Variants in CYP24A1 observed in about 807,000 individuals in gnomAD.
CYP24A1 encodes 1,25-dihydroxyvitamin D(3) 24-hydroxylase, mitochondrial.
CYP24A1 carries 68 observed loss-of-function variants against 62.4 expected under a neutral mutation model. That is an observed-to-expected ratio of 1.09 (90% CI 0.90 to 1.33). The LOEUF is 1.33. Ranked by LOEUF, CYP24A1 falls within the 40% of genes most tolerant of loss-of-function variation. The probability of loss-of-function intolerance (pLI) is 0.00; values close to 1 mark genes in which losing one functional copy is unlikely to be tolerated. For synonymous variants in CYP24A1, 267 were observed against 253.0 expected (o/e 1.06, Z -0.52); for missense variants, 787 against 653.0 (o/e 1.21, Z -2.24).
chr20:54,156,772 C>T (rs2092629401), intron 11 of CYP24A1, among the ~76,000 whole-genome samples: 1 of 152,168 alleles, frequency 6.6e-6, no homozygotes, highest in Non-Finnish European at 1.5e-5. Flanking sequence ...TTTCATGTTC[C>T]AAGGTAGTAT....
downstream of CYP24A1, among the ~76,000 whole-genome samples, chr20:54,150,114 T>C (rs963641856): frequency 2.0e-5 from 3 of 152,144 alleles, no homozygotes; most frequent in African/African-American, 7.2e-5. Context: ...CACAAAAAAA[T>C]TTGCAACCTC....
chr20:54,155,878 C>T (rs2092626125), intron 11 of CYP24A1, among the ~76,000 whole-genome samples: 1 of 151,586 alleles, frequency 6.6e-6, no homozygotes, highest in Non-Finnish European at 1.5e-5. Context: ...AATTATTACT[C>T]AGGACGAGGC....
the CYP24A1 span, among the ~76,000 whole-genome samples, chr20:54,145,181 A>AT: frequency 1.5e-4 from 23 of 151,848 alleles, no homozygotes; most frequent in African/African-American, 5.3e-4. Flanking sequence ...CTTAATATGA[A>AT]TTTTTTTCCA....
downstream of CYP24A1, among the ~76,000 whole-genome samples, chr20:54,148,543 T>C (rs2092608040): frequency 6.6e-6 from 1 of 152,136 alleles, no homozygotes; most frequent in Non-Finnish European, 1.5e-5. Context: ...AAGAAACAGA[T>C]GATTCCACGG....
chr20:54,149,070 G>T (rs1337669139), downstream of CYP24A1, among the ~76,000 whole-genome samples: 1 of 152,130 alleles, frequency 6.6e-6, no homozygotes, highest in African/African-American at 2.4e-5. Context: ...ATTTTGGTTT[G>T]CCCCTGTACC....
At chr20:54,164,827 GTAA>G (rs2092665518) in intron 5 of CYP24A1, among the ~76,000 whole-genome samples, 2 of 128,836 alleles carry the variant, frequency 1.6e-5, no homozygotes. Context: ...TGACCTAATT[GTAA>G]AAAAAAAAAA....
chr20:54,159,706 G>A (rs561294909), intron 7 of CYP24A1, among the ~76,000 whole-genome samples: 2 of 152,230 alleles, frequency 1.3e-5, no homozygotes, highest in South Asian at 2.1e-4. Flanking sequence ...ACAGTTTGAC[G>A]CAATAATTGT....
intron 3 of CYP24A1, among the ~76,000 whole-genome samples, chr20:54,170,586 A>T (rs879536157): frequency 6.6e-6 from 1 of 152,330 alleles, no homozygotes; most frequent in Admixed American, 6.5e-5. Context: ...GAGGTTTCAT[A>T]TGAACATATG....
At chr20:54,149,679 A>C (rs1284752867), downstream of CYP24A1, among the ~76,000 whole-genome samples, 2 of 152,180 alleles carry the variant, frequency 1.3e-5, no homozygotes, top group East Asian at 3.9e-4. Context: ...GGATGGAGTG[A>C]GGTTGCATTA....
chr20:54,149,366 T>C (rs554863031), downstream of CYP24A1, among the ~76,000 whole-genome samples: 21 of 152,306 alleles, frequency 1.4e-4, no homozygotes, highest in Admixed American at 1.4e-3. Context: ...ACCTTTCTGG[T>C]CCCTATTCTG....
intron 7 of CYP24A1, among the ~76,000 whole-genome samples, chr20:54,160,981 C>T (rs1236222090): frequency 1.3e-5 from 2 of 152,226 alleles, no homozygotes; most frequent in Non-Finnish European, 2.9e-5. Context: ...TTGGCTAAGT[C>T]TATTCTCCAT....
In CYP24A1 at chr20:54,173,133, C is replaced by G; in HGVS notation, c.259-34G>C. ...GGCCGGGCACAGCGCGGTGTCAGCG[C>G]GCATCCTCCGCCGTGCCCGAAGCGC... On this transcript the variant is annotated intron_variant, in intron 1 of 11. Transcript: ENST00000216862. This position sits in a 1 kb window ranked among gnomAD's most constrained non-coding sequence, Gnocchi z 7.2. The G allele has an allele frequency of 6.3e-7, 1 of 1,597,402 alleles. No individual in the cohort carries two copies. Among genetic ancestry groups the G allele is most frequent in the Non-Finnish European group, 8.5e-7 (1 of 1,176,778 alleles).
chr20:54,158,857 T>A, intron 8 of CYP24A1, 100 bp downstream of exon 8: 3 of 1,589,546 alleles, frequency 1.9e-6, no homozygotes, highest in Non-Finnish European at 2.6e-6. Context: ...TTGTTTCTAA[T>A]TAGCTAGGGG....
At chr20:54,147,958 C>T in the CYP24A1 span, among the ~76,000 whole-genome samples, 2 of 152,024 alleles carry the variant, frequency 1.3e-5, no homozygotes, top group African/African-American at 4.8e-5. Context: ...CTCAGCCTCC[C>T]GAGTAGCTGG....
At chr20:54,171,482 C>A in intron 3 of CYP24A1, 95 bp downstream of exon 3, 1 of 1,609,386 alleles carries the variant, frequency 6.2e-7, no homozygotes, top group Non-Finnish European at 8.5e-7. Context: ...GAATTGCATT[C>A]TTTTTTCCTT....
intron 3 of CYP24A1, 51 bp downstream of exon 3, chr20:54,171,526 A>G: frequency 8.7e-6 from 14 of 1,613,494 alleles, no homozygotes; most frequent in Non-Finnish European, 1.1e-5. Context: ...AGCTCCACCA[A>G]TATCCCTATG....
downstream of CYP24A1, among the ~76,000 whole-genome samples, chr20:54,151,702 A>G (rs1325326324): frequency 4.6e-5 from 7 of 152,000 alleles, no homozygotes; most frequent in Non-Finnish European, 1.5e-5. Context: ...AGCTGGGACT[A>G]CAGGCGCGTG....
At chr20:54,155,937 T>C (rs1483677647) in intron 11 of CYP24A1, among the ~76,000 whole-genome samples, 2 of 152,178 alleles carry the variant, frequency 1.3e-5, no homozygotes, top group Non-Finnish European at 2.9e-5. Context: ...AACTCAGTAG[T>C]ATTGAAATAA....
At chr20:54,172,627 G>T (rs1285197841) in intron 2 of CYP24A1, among the ~76,000 whole-genome samples, 2 of 152,320 alleles carry the variant, frequency 1.3e-5, no homozygotes, top group East Asian at 3.9e-4. Context: ...CACCACAGTT[G>T]GTACAACCCT....
Sources: gnomAD v4.1 joint callset for allele counts (sites outside exome capture counted in the v4.1 genomes callset) on GRCh38, gnomAD v4.1.1 for gene constraint, Gnocchi (gnomAD v3.1) non-coding constraint, MANE v1.5 for transcripts, NCBI Gene and HGNC (gene_info 2026-07-23, HGNC 2026-07-21) for gene names.